Variants in DIAPH2 observed in about 807,000 individuals in gnomAD.
DIAPH2 encodes diaphanous related formin 2.
DIAPH2 carries 35 observed loss-of-function variants against 92.7 expected under a neutral mutation model. The ratio of observed to expected loss-of-function variants is 0.38; its 90% confidence interval spans 0.29 to 0.50. The LOEUF (loss-of-function observed/expected upper bound fraction) is 0.50, where lower values mean the gene tolerates loss of function less well. DIAPH2 is among the 20% of genes least tolerant of loss of function. The pLI, the probability that DIAPH2 is intolerant of heterozygous loss-of-function variation, is 0.94. For missense variants in DIAPH2, 701 were observed against 819.5 expected (o/e 0.86, Z 1.77); for synonymous variants, 301 against 280.4 (o/e 1.07, Z -0.73).
intron 4 of DIAPH2, among the ~76,000 whole-genome samples, chrX:96,840,197 C>T (rs1034017224): frequency 8.9e-5 from 10 of 111,978 alleles, no homozygotes; most frequent in African/African-American, 3.2e-4. Context: ...TTGGTTGCCA[C>T]ATGTGACTAA....
At chrX:97,112,765 C>CTTTTTTTTTTT (rs60721723) in intron 20 of DIAPH2, among the ~76,000 whole-genome samples, 10 of 37,245 alleles carry the variant, frequency 2.7e-4, no homozygotes, top group Admixed American at 1.0e-3. Context: ...CCCTTTCTTT[C>CTTTTTTTTTTT]TTTTTTTTTT....
intron 26 of DIAPH2, among the ~76,000 whole-genome samples, chrX:97,585,065 C>CAACA: frequency 9.0e-6 from 1 of 111,685 alleles, no homozygotes; most frequent in Non-Finnish European, 1.9e-5. Flanking sequence ...TGTTGCTTGG[C>CAACA]TTTTACGTAA....
At chrX:97,228,017 C>T (rs975812164) in intron 22 of DIAPH2, among the ~76,000 whole-genome samples, 1 of 111,366 alleles carries the variant, frequency 9.0e-6, no homozygotes, top group African/African-American at 3.3e-5. Flanking sequence ...CATCTCACCT[C>T]AGCCTCCCAA....
intron 26 of DIAPH2, among the ~76,000 whole-genome samples, chrX:97,460,315 G>A (rs767413339): frequency 8.9e-6 from 1 of 111,840 alleles, no homozygotes; most frequent in Non-Finnish European, 1.9e-5. Context: ...TACTTTGTAT[G>A]TACTAGCTCG....
intron 5 of DIAPH2, among the ~76,000 whole-genome samples, chrX:96,887,360 C>A (rs1459184842): frequency 9.0e-6 from 1 of 111,182 alleles, no homozygotes; most frequent in African/African-American, 3.3e-5. Flanking sequence ...TCTCCAAGGT[C>A]CTGCCCTGAT....
intron 4 of DIAPH2, among the ~76,000 whole-genome samples, chrX:96,856,438 G>GT (rs58720970): frequency 0.1 from 9,573 of 92,730 alleles, 517 homozygotes; most frequent in East Asian, 0.31. Context: ...AGAATTCAAG[G>GT]TTTTTTTTTT....
At chrX:97,164,883 C>T (rs2067400443) in intron 22 of DIAPH2, among the ~76,000 whole-genome samples, 1 of 112,281 alleles carries the variant, frequency 8.9e-6, no homozygotes, top group Non-Finnish European at 1.9e-5. Flanking sequence ...TATCTGTTCT[C>T]AAGATGCCCC....
intron 23 of DIAPH2, among the ~76,000 whole-genome samples, chrX:97,293,498 A>G (rs755373719): frequency 1.8e-5 from 2 of 109,629 alleles, no homozygotes; most frequent in South Asian, 3.8e-4. Flanking sequence ...TAATCTGCCC[A>G]CCTTGGCCTC....
At chrX:97,205,415 A>G (rs2067788337) in intron 22 of DIAPH2, among the ~76,000 whole-genome samples, 1 of 111,831 alleles carries the variant, frequency 8.9e-6, no homozygotes. Flanking sequence ...ATATTTTTGC[A>G]TTCTACCCAT....
chrX:96,942,102 G>T lies in DIAPH2; in HGVS notation c.1410G>T (p.Arg470Ser). ...CSGMDPDFKY[R>S]QRLDIDLTHL... ...GTATGGATCCAGACTTCAAATACAG[G>T]CAAAGATTAGACATCGATTTAACTC... The change falls in exon 13 of 27, where the codon AGG (arginine) becomes AGT (serine). Residue 470 changes from arginine to serine, a missense_variant. Coordinates refer to ENST00000324765, the MANE Select transcript of DIAPH2 (RefSeq NM_006729.5). The T allele has an allele frequency of 8.5e-7, 1 of 1,175,339 alleles. No homozygotes were observed.
chrX:96,764,071 C>A (rs1024790529), intron 4 of DIAPH2, among the ~76,000 whole-genome samples: 1 of 109,440 alleles, frequency 9.1e-6, no homozygotes, highest in East Asian at 2.8e-4. Context: ...TTATTATATG[C>A]CAAGAATTAT....
At chrX:97,157,905 C>T (rs757284194) in intron 22 of DIAPH2, among the ~76,000 whole-genome samples, 1 of 111,863 alleles carries the variant, frequency 8.9e-6, no homozygotes, top group Non-Finnish European at 1.9e-5. Context: ...AAGTATACGC[C>T]GAGCCTTACT....
At chrX:97,442,664 G>C (rs922465518) in intron 26 of DIAPH2, 1 of 111,862 alleles carries the variant, frequency 8.9e-6, no homozygotes, top group African/African-American at 3.2e-5. Context: ...GACATCCCAA[G>C]ACAACCAGAT....
rs752241067 is a variant in DIAPH2 at position 97,601,339 on chromosome X, A to G, written c.*2022A>G. Reference sequence around the variant, plus strand: ...ATATGTATCATCACCTTTTCCAGATACAAACTTGCCTTATTTTCTAGTTTG... The same window carrying G: ...ATATGTATCATCACCTTTTCCAGATGCAAACTTGCCTTATTTTCTAGTTTG... On this transcript the variant is annotated 3_prime_UTR_variant, in exon 27 of 27. Coordinates refer to ENST00000324765, the MANE Select transcript of DIAPH2 (RefSeq NM_006729.5). 3.6e-5 allele frequency: 4 copies of G among 111,858 alleles called. No individual in the cohort carries two copies. Among genetic ancestry groups the G allele is most frequent in the Admixed American group, 9.6e-5 (1 of 10,471 alleles). 9.2% of individuals were successfully genotyped at this position (111,858 alleles called of 1,213,427 possible). A position where few individuals can be genotyped will look rare whatever the true frequency, so the allele number is the denominator to read the frequency against.
At chrX:97,441,645 G>A (rs1405621464) in intron 26 of DIAPH2, among the ~76,000 whole-genome samples, 2 of 110,476 alleles carry the variant, frequency 1.8e-5, no homozygotes, top group Admixed American at 1.9e-4. Flanking sequence ...GTGAAACCCT[G>A]TCTCTACTAA....
intron 26 of DIAPH2, among the ~76,000 whole-genome samples, chrX:97,562,886 T>A (rs776163612): frequency 5.3e-5 from 6 of 112,285 alleles, no homozygotes; most frequent in African/African-American, 1.9e-4. Context: ...CTATGTATGG[T>A]TGGCTTGCAC....
At chrX:97,349,991 T>A (rs919314478) in intron 24 of DIAPH2, among the ~76,000 whole-genome samples, 5 of 111,474 alleles carry the variant, frequency 4.5e-5, no homozygotes, top group African/African-American at 6.5e-5. Context: ...TTTGTAACAA[T>A]GTCTGTGGGT....
At chrX:97,017,423 A>G (rs1413290652) in intron 17 of DIAPH2, among the ~76,000 whole-genome samples, 1 of 111,878 alleles carries the variant, frequency 8.9e-6, no homozygotes, top group Non-Finnish European at 1.9e-5. Context: ...GGGCAACAAC[A>G]TGAATTCACA....
intron 19 of DIAPH2, among the ~76,000 whole-genome samples, chrX:97,080,832 T>C (rs2066738153): frequency 9.0e-6 from 1 of 111,312 alleles, no homozygotes. Flanking sequence ...GTCAGGAAGC[T>C]CATGCATGTG....
Sources: allele counts gnomAD v4.1 joint callset (sites outside exome capture counted in the v4.1 genomes callset), GRCh38; gene constraint gnomAD v4.1.1; transcripts MANE v1.5; gene names NCBI Gene and HGNC (gene_info 2026-07-23, HGNC 2026-07-21).